Variants in XKR6 observed in about 807,000 individuals in gnomAD.
XKR6 encodes XK related 6.
In XKR6, 22 loss-of-function variants were observed where a neutral mutation model predicts 56.7. The ratio of observed to expected loss-of-function variants is 0.39; its 90% CI spans 0.28 to 0.55. XKR6 has a LOEUF of 0.55. Ranked by LOEUF, XKR6 falls within the 20% of genes least tolerant of loss-of-function variation. XKR6 has a pLI of 0.66. For missense variants in XKR6, 852 were observed against 889.0 expected, an observed-to-expected ratio of 0.96 and a Z score of 0.53; for synonymous variants, 524 against 387.8, an observed-to-expected ratio of 1.35 and a Z score of -4.13.
intron 1 of XKR6, among the ~76,000 whole-genome samples, chr8:11,143,179 T>TA (rs947752623): frequency 2.0e-5 from 3 of 151,452 alleles, no homozygotes; most frequent in Non-Finnish European, 1.5e-5. Flanking sequence ...ATAGCTAACA[T>TA]AAAAAAAAGA....
At chr8:10,925,544 G>C (rs1042812044) in intron 1 of XKR6, among the ~76,000 whole-genome samples, 1 of 152,174 alleles carries the variant, frequency 6.6e-6, no homozygotes, top group African/African-American at 2.4e-5. Flanking sequence ...TCCGCTGCCC[G>C]CCCTCTCAGG....
intron 1 of XKR6, among the ~76,000 whole-genome samples, chr8:11,051,665 G>A (rs1799551580): frequency 6.6e-6 from 1 of 152,032 alleles, no homozygotes; most frequent in South Asian, 2.1e-4. Flanking sequence ...CATCTCCTTG[G>A]CTGATACTAA....
chr8:11,087,575 G>A (rs144108900), intron 1 of XKR6, among the ~76,000 whole-genome samples: 92 of 152,210 alleles, frequency 6.0e-4, no homozygotes, highest in African/African-American at 2.1e-3. Context: ...ACATGGTCAG[G>A]TCTCAAAATG....
At chr8:11,186,583 T>G (rs557728145) in intron 1 of XKR6, among the ~76,000 whole-genome samples, 1 of 152,296 alleles carries the variant, frequency 6.6e-6, no homozygotes, top group East Asian at 1.9e-4. Context: ...TCTGCCTACA[T>G]TGCCCAGGTT....
At chr8:11,172,005 A>G (rs1802398044) in intron 1 of XKR6, among the ~76,000 whole-genome samples, 1 of 151,436 alleles carries the variant, frequency 6.6e-6, no homozygotes, top group Non-Finnish European at 1.5e-5. Context: ...GTGAGCCAAC[A>G]TCACGCCATT....
Position 11,070,567 on chromosome 8 carries a change from G to A in XKR6, c.764+130009C>T, listed in dbSNP as rs1800089640. On this transcript the variant is annotated intron_variant, in intron 1 of 2. Coordinates refer to ENST00000416569, the MANE Select transcript of XKR6 (RefSeq NM_173683.4). ...CTCCCCAAAGCTAGTCTTTAGGCTG[G>A]TTCCATCCTGAAATATGCCAGTGCC... 3.3e-5 allele frequency among the ~76,000 whole-genome samples: 5 copies of A among 152,278 alleles called. No homozygotes were observed. In the South Asian group the frequency reaches 8.3e-4, roughly 25 times the overall value.
chr8:11,183,692 T>C (rs1380940323), intron 1 of XKR6, among the ~76,000 whole-genome samples: 1 of 152,114 alleles, frequency 6.6e-6, no homozygotes, highest in Non-Finnish European at 1.5e-5. Flanking sequence ...CAATGTGAGG[T>C]TAACCAATTC....
intron 1 of XKR6, among the ~76,000 whole-genome samples, chr8:11,145,341 G>C (rs78022365): frequency 0.034 from 5,210 of 152,114 alleles, 310 homozygotes; most frequent in African/African-American, 0.12. Flanking sequence ...ACGTCTCTAA[G>C]TCTCCCACAA....
chr8:11,077,421 C>T (rs747359208), intron 1 of XKR6, among the ~76,000 whole-genome samples: 3 of 152,158 alleles, frequency 2.0e-5, no homozygotes, highest in Non-Finnish European at 2.9e-5. Context: ...ATCTCCCTTA[C>T]GTGGAGTCTC....
intron 1 of XKR6, among the ~76,000 whole-genome samples, chr8:11,148,678 A>G (rs1801116004): frequency 6.6e-6 from 1 of 152,212 alleles, no homozygotes; most frequent in Admixed American, 6.5e-5. Context: ...ACTCCTAGGT[A>G]TTTATCGAGG....
At chr8:11,057,913 G>A (rs914323845) in intron 1 of XKR6, among the ~76,000 whole-genome samples, 5 of 152,234 alleles carry the variant, frequency 3.3e-5, no homozygotes, top group African/African-American at 9.6e-5. Flanking sequence ...GACATTGAAG[G>A]TGTAATGAGT....
Position 11,071,383 on chromosome 8 carries a change from G to T in XKR6, c.764+129193C>A, listed in dbSNP as rs1800110130. Reference sequence around the variant, plus strand: ...GCCTCCCAAGTAGCTAGGATTACAGGCACGCGCCACCATGCCTGTCTAGTT... The same window carrying T: ...GCCTCCCAAGTAGCTAGGATTACAGTCACGCGCCACCATGCCTGTCTAGTT... On this transcript the variant is annotated intron_variant, in intron 1 of 2. Transcript: ENST00000416569. Among the ~76,000 whole-genome samples, 3 of 152,196 alleles carry T rather than the reference G, an allele frequency of 2.0e-5. No individual in the cohort carries two copies. In the South Asian group the frequency reaches 6.2e-4, roughly 32 times the overall value.
At chr8:11,034,398 C>A (rs1247416099) in intron 1 of XKR6, among the ~76,000 whole-genome samples, 1 of 152,130 alleles carries the variant, frequency 6.6e-6, no homozygotes, top group Admixed American at 6.5e-5. Flanking sequence ...GGCAAAATGT[C>A]CAGGACATTT....
intron 2 of XKR6, among the ~76,000 whole-genome samples, chr8:10,900,133 C>A (rs1323794276): frequency 3.3e-5 from 5 of 152,134 alleles, no homozygotes. Flanking sequence ...CCACTGGCAA[C>A]GACCTCCTTA....
intron 1 of XKR6, among the ~76,000 whole-genome samples, chr8:11,198,229 C>T (rs1298677243): frequency 6.6e-6 from 1 of 152,144 alleles, no homozygotes; most frequent in Non-Finnish European, 1.5e-5. Context: ...ACGCAAACAA[C>T]ATGGCTAGCA....
intron 1 of XKR6, among the ~76,000 whole-genome samples, chr8:11,122,052 A>G (rs1445589358): frequency 6.6e-6 from 1 of 152,242 alleles, no homozygotes; most frequent in Non-Finnish European, 1.5e-5. Context: ...AATAGCACAC[A>G]GTGTGCCATA....
chr8:10,901,283 T>TG (rs1168080456), intron 2 of XKR6, among the ~76,000 whole-genome samples: 1 of 152,152 alleles, frequency 6.6e-6, no homozygotes, highest in Non-Finnish European at 1.5e-5. Context: ...CTTGAACTCC[T>TG]GACCTCAAGT....
intron 1 of XKR6, among the ~76,000 whole-genome samples, chr8:11,018,589 A>G (rs1798678829): frequency 6.6e-6 from 1 of 152,232 alleles, no homozygotes; most frequent in African/African-American, 2.4e-5. Context: ...AACTACAGGT[A>G]ATACCAAGAT....
Position 10,898,955 on chromosome 8 carries a change from G to C in XKR6, c.962-39C>G, listed in dbSNP as rs1399176286. 6 of 1,550,108 alleles carry C rather than the reference G, an allele frequency of 3.9e-6. No homozygotes were observed. Among genetic ancestry groups the C allele is most frequent in the East Asian group, 2.3e-5 (1 of 44,444 alleles). ...ACAAACCCACACAGTCAAAACCTTG[G>C]ACATCAACCGCAGGGCACAGTGAAG... On this transcript the variant is annotated intron_variant, in intron 2 of 2. Transcript: ENST00000416569. The surrounding 1 kb of genome is among the most constrained non-coding windows in gnomAD (Gnocchi z 6.6).
Sources: gnomAD v4.1 joint callset for allele counts (sites outside exome capture counted in the v4.1 genomes callset) on GRCh38, gnomAD v4.1.1 for gene constraint, Gnocchi (gnomAD v3.1) non-coding constraint, MANE v1.5 for transcripts, NCBI Gene and HGNC (gene_info 2026-07-23, HGNC 2026-07-21) for gene names.